The following LRMDA variants were observed in gnomAD, a reference collection of about 807,000 sequenced individuals.
The protein encoded by LRMDA is leucine-rich melanocyte differentiation-associated protein.
A neutral mutation model predicts 29.8 loss-of-function variants in LRMDA; 18 were observed. The observed-to-expected ratio is 0.60, with a 90% CI of 0.42 to 0.90. The LOEUF (loss-of-function observed/expected upper bound fraction) is 0.90. LRMDA is among the 40% of genes least tolerant of loss of function. LRMDA has a pLI of 0.00. For synonymous variants in LRMDA, 125 were observed against 109.4 expected, an observed-to-expected ratio of 1.14 and a Z score of -0.89; for missense variants, 273 against 273.9, an observed-to-expected ratio of 1.00 and a Z score of 0.02.
intron 5 of LRMDA, among the ~76,000 whole-genome samples, chr10:76,249,231 C>A (rs1852429392): frequency 6.6e-6 from 1 of 152,202 alleles, no homozygotes. Flanking sequence ...GCTTTCCTCA[C>A]CGACTTTCTT....
intron 6 of LRMDA, among the ~76,000 whole-genome samples, chr10:76,529,697 G>A (rs138093408): frequency 1.2e-4 from 19 of 152,128 alleles, no homozygotes; most frequent in Non-Finnish European, 1.8e-4. Flanking sequence ...AGAGCTCTTC[G>A]GGCTCCTGAA....
intron 2 of LRMDA, among the ~76,000 whole-genome samples, chr10:75,714,445 C>T (rs1842473798): frequency 6.6e-6 from 1 of 152,052 alleles, no homozygotes; most frequent in African/African-American, 2.4e-5. Flanking sequence ...TATATTAATC[C>T]CGGTATTGAG....
At chr10:76,508,608 A>C (rs1160679458) in intron 6 of LRMDA, among the ~76,000 whole-genome samples, 4 of 151,112 alleles carry the variant, frequency 2.6e-5, no homozygotes, top group Non-Finnish European at 5.9e-5. Context: ...TTTTTTTTAC[A>C]TGCCCTTGTT....
intron 2 of LRMDA, among the ~76,000 whole-genome samples, chr10:75,865,100 A>C (rs1294595305): frequency 5.9e-5 from 9 of 152,208 alleles, no homozygotes; most frequent in Non-Finnish European, 1.2e-4. Context: ...TGGCCTCTGA[A>C]AAATTTTGCA....
intron 2 of LRMDA, chr10:75,783,159 T>G: frequency 8.7e-7 from 1 of 1,154,938 alleles, no homozygotes; most frequent in Non-Finnish European, 1.2e-6. Context: ...CATTTTCTTT[T>G]AACATTGTCA....
chr10:75,933,656 C>T (rs1434376428), intron 2 of LRMDA, among the ~76,000 whole-genome samples: 1 of 152,142 alleles, frequency 6.6e-6, no homozygotes, highest in Non-Finnish European at 1.5e-5. Flanking sequence ...CACCCACTAC[C>T]ACCTCGTAGA....
intron 6 of LRMDA, among the ~76,000 whole-genome samples, chr10:76,370,129 A>AC (rs1007778595): frequency 6.6e-6 from 1 of 150,558 alleles, no homozygotes; most frequent in Non-Finnish European, 1.5e-5. Flanking sequence ...ATGCCAGCAA[A>AC]AAAAGTAGTA....
chr10:75,678,515 T>G (rs988166803), intron 2 of LRMDA, among the ~76,000 whole-genome samples: 3 of 152,184 alleles, frequency 2.0e-5, no homozygotes, highest in Non-Finnish European at 2.9e-5. Flanking sequence ...CAGATTTGCC[T>G]TTATTGGTTT....
intron 2 of LRMDA, among the ~76,000 whole-genome samples, chr10:75,571,331 C>A (rs1026918562): frequency 2.0e-5 from 3 of 152,064 alleles, no homozygotes; most frequent in African/African-American, 7.2e-5. Flanking sequence ...AGTGTTCTGC[C>A]ACATTGTGTG....
At chr10:76,208,092 T>C (rs1851570074) in intron 5 of LRMDA, among the ~76,000 whole-genome samples, 2 of 152,220 alleles carry the variant, frequency 1.3e-5, no homozygotes, top group Non-Finnish European at 2.9e-5. Context: ...ATGCCAGTTT[T>C]TCTTGTACAA....
At chr10:76,313,564 C>G (rs1485548117) in intron 5 of LRMDA, among the ~76,000 whole-genome samples, 1 of 152,116 alleles carries the variant, frequency 6.6e-6, no homozygotes, top group Non-Finnish European at 1.5e-5. Flanking sequence ...CTTTCCATTC[C>G]TAGACTATAA....
At chr10:76,002,335 G>T (rs1341904397) in intron 2 of LRMDA, among the ~76,000 whole-genome samples, 2 of 152,162 alleles carry the variant, frequency 1.3e-5, no homozygotes, top group African/African-American at 4.8e-5. Context: ...TGAGGGCTAG[G>T]GATTCAATAT....
chr10:76,347,955 A>G (rs895733746), intron 6 of LRMDA, among the ~76,000 whole-genome samples: 6 of 152,158 alleles, frequency 3.9e-5, no homozygotes, highest in African/African-American at 1.2e-4. Flanking sequence ...TTCTAATAAT[A>G]TATGCATTGT....
intron 2 of LRMDA, among the ~76,000 whole-genome samples, chr10:75,641,578 G>A (rs1181581179): frequency 6.6e-6 from 1 of 152,006 alleles, no homozygotes; most frequent in African/African-American, 2.4e-5. Context: ...ACTCAATGCA[G>A]CCTCGACCTC....
intron 6 of LRMDA, among the ~76,000 whole-genome samples, chr10:76,342,921 A>C (rs907232560): frequency 2.0e-5 from 3 of 150,292 alleles, no homozygotes; most frequent in African/African-American, 7.3e-5. Flanking sequence ...AAACATTAGA[A>C]GAGTAGATAC....
chr10:75,703,607 G>C (rs1177475161), intron 2 of LRMDA, among the ~76,000 whole-genome samples: 1 of 152,210 alleles, frequency 6.6e-6, no homozygotes, highest in Non-Finnish European at 1.5e-5. Context: ...AGTGATTAAT[G>C]TATATACAGC....
chr10:76,532,344 C>T (rs1371348172), intron 6 of LRMDA, among the ~76,000 whole-genome samples: 1 of 152,152 alleles, frequency 6.6e-6, no homozygotes, highest in African/African-American at 2.4e-5. Context: ...ACTATGAATT[C>T]TTCTCATAAC....
Position 75,431,973 on chromosome 10 carries a change from G to T in LRMDA, c.30+219G>T, listed in dbSNP as rs565134579. On this transcript the variant is annotated intron_variant, in intron 1 of 6. Transcript: ENST00000611255. The stretch of plus-strand genomic sequence containing the variant: ...CCCTTGATGTGCGGGAAGAACACCC[G>T]CAAGGTCTCCCGTTCTCCCCACTTC... Among the ~76,000 whole-genome samples, 14 of 152,296 alleles carry T rather than the reference G, an allele frequency of 9.2e-5. No individual in the cohort carries two copies. In the East Asian group the frequency reaches 2.7e-3, roughly 29 times the overall value.
chr10:76,329,776 A>G (rs748179661), intron 6 of LRMDA, among the ~76,000 whole-genome samples: 1 of 152,206 alleles, frequency 6.6e-6, no homozygotes, highest in Admixed American at 6.5e-5. Context: ...ATTTTTCTGT[A>G]TATCTCCATG....
Sources: allele counts gnomAD v4.1 joint callset (sites outside exome capture counted in the v4.1 genomes callset), GRCh38; gene constraint gnomAD v4.1.1; transcripts MANE v1.5; gene names NCBI Gene and HGNC (gene_info 2026-07-23, HGNC 2026-07-21).